The following FERMT1 variants were observed in gnomAD, a reference collection of about 807,000 sequenced individuals.
FERMT1 encodes fermitin family homolog 1.
In FERMT1, 60 loss-of-function variants were observed where a neutral mutation model predicts 85.3. The ratio of observed to expected loss-of-function variants is 0.70; its 90% CI spans 0.57 to 0.87. The LOEUF is 0.87. Among genes scored for constraint, FERMT1 ranks in the 40% least tolerant of loss-of-function variants. The pLI is 0.00. For missense variants in FERMT1, 701 were observed against 818.9 expected, an observed-to-expected ratio of 0.86 and a Z score of 1.76; for synonymous variants, 275 against 301.1, an observed-to-expected ratio of 0.91 and a Z score of 0.90.
At position 6,107,255 on chromosome 20, in the gene FERMT1, T is replaced by C. The variant is rs200928880; in HGVS notation, c.849+277A>G. On this transcript the variant is annotated intron_variant, in intron 6 of 14. Coordinates refer to ENST00000217289, the MANE Select transcript of FERMT1 (RefSeq NM_017671.5). ...GCTCTCTGAGCCACTCCCATCTTGT[T>C]TGACCATTCCTGCAAATGGAGGGGG... is the stretch of plus-strand genomic sequence containing the variant. Among the ~76,000 whole-genome samples, 7 of 151,498 alleles carry C rather than the reference T, an allele frequency of 4.6e-5. No homozygotes were observed. In the East Asian group the frequency reaches 1.4e-3, roughly 29 times the overall value.
intron 3 of FERMT1, among the ~76,000 whole-genome samples, chr20:6,115,144 T>C (rs1983062305): frequency 6.6e-6 from 1 of 152,212 alleles, no homozygotes; most frequent in Non-Finnish European, 1.5e-5. Context: ...ATTTTTGGTT[T>C]TGGAACCAAT....
At chr20:6,113,412 C>T (rs1452769013) in intron 3 of FERMT1, among the ~76,000 whole-genome samples, 1 of 152,156 alleles carries the variant, frequency 6.6e-6, no homozygotes, top group East Asian at 1.9e-4. Flanking sequence ...TTTAAACAAC[C>T]AACAAAGGTC....
chr20:6,115,518 A>G (rs577135627), intron 3 of FERMT1, among the ~76,000 whole-genome samples: 77 of 152,352 alleles, frequency 5.1e-4, no homozygotes, highest in African/African-American at 1.8e-3. Flanking sequence ...GTTTGAGTAT[A>G]GCTTGGATCA....
Position 6,075,792 on chromosome 20 carries a change from AC to A in FERMT1, c.*1380del, listed in dbSNP as rs1174318178. 1 of 152,366 alleles carries A rather than the reference AC, an allele frequency of 6.6e-6. No homozygotes were observed. The highest frequency in any genetic ancestry group is 2.4e-5 in the African/African-American group (1 of 41,450). The allele number at this position is 152,366 out of a possible 1,614,324, so 9.4% of individuals were successfully genotyped here. A position where few individuals can be genotyped will look rare whatever the true frequency, so the allele number is the denominator to read the frequency against. On this transcript the variant is annotated 3_prime_UTR_variant, in exon 15 of 15. Transcript: ENST00000217289. The stretch of plus-strand genomic sequence containing the variant: ...GGATTGGAGCTTTTGCCTTATCCTT[AC>A]ACCCCAAGTTCTTTGTGTGGCAGAA...
intron 6 of FERMT1, among the ~76,000 whole-genome samples, chr20:6,100,761 T>A (rs1484354894): frequency 1.3e-5 from 2 of 152,172 alleles, no homozygotes; most frequent in Non-Finnish European, 2.9e-5. Flanking sequence ...TAAGGCTGGC[T>A]TGACAACCTA....
chr20:6,110,584 T>C, intron 4 of FERMT1, 73 bp from the exon 5 acceptor site: 1 of 1,163,892 alleles, frequency 8.6e-7, no homozygotes, highest in Non-Finnish European at 1.3e-6. Context: ...ATATTAACAT[T>C]ACTTACACTA....
Position 6,089,237 on chromosome 20 carries a change from C to T in FERMT1, c.1140-148G>A, listed in dbSNP as rs189183428. The T allele has an allele frequency of 1.4e-4, 111 of 788,240 alleles. 1 individual carries two copies. The highest frequency in any genetic ancestry group is 6.5e-4 in the Middle Eastern group (2 of 3,070). 48.8% of individuals were successfully genotyped at this position (788,240 alleles called of 1,614,324 possible). On this transcript the variant is annotated intron_variant, in intron 9 of 14. Coordinates refer to ENST00000217289, the MANE Select transcript of FERMT1 (RefSeq NM_017671.5). ...TAATTTCAAATTGCTAATTTCCAAG[C>T]GCTGGAAATGAAATGCTGATATGTG...
intron 9 of FERMT1, among the ~76,000 whole-genome samples, chr20:6,091,472 T>C (rs1982363511): frequency 6.6e-6 from 1 of 152,046 alleles, no homozygotes; most frequent in Non-Finnish European, 1.5e-5. Context: ...GCTCAAGTGA[T>C]CCGCCCACCT....
chr20:6,108,530 C>A (rs957451991), intron 5 of FERMT1, among the ~76,000 whole-genome samples: 9 of 152,092 alleles, frequency 5.9e-5, no homozygotes, highest in Admixed American at 5.9e-4. Context: ...CAGGCCTCAG[C>A]AGGGTGCGGG....
intron 8 of FERMT1, among the ~76,000 whole-genome samples, chr20:6,095,365 TG>T (rs1294704035): frequency 3.3e-5 from 5 of 152,138 alleles, no homozygotes; most frequent in African/African-American, 9.7e-5. Context: ...AAAAACGAGA[TG>T]AAAAAAATGA....
chr20:6,079,300 A>T, intron 14 of FERMT1, 136 bp downstream of exon 14: 1 of 964,890 alleles, frequency 1.0e-6, no homozygotes, highest in Non-Finnish European at 1.7e-6. Flanking sequence ...TGATTTTAGC[A>T]GACAGACAGT....
chr20:6,084,020 C>G lies in FERMT1; in HGVS notation c.1718+20G>C. ...AAAATTGAATGGAAAGTGTGAGAAACAAGTGAACATTGTAATCACCTGACA... is the reference window on the plus strand; with the variant it reads ...AAAATTGAATGGAAAGTGTGAGAAAGAAGTGAACATTGTAATCACCTGACA... On this transcript the variant is annotated intron_variant, in intron 13 of 14. Transcript: ENST00000217289. The G allele has an allele frequency of 6.2e-7, 1 of 1,614,108 alleles. No homozygotes were observed. Among genetic ancestry groups the G allele is most frequent in the Non-Finnish European group, 8.5e-7 (1 of 1,179,994 alleles).
chr20:6,080,961 G>A (rs1981978519), intron 13 of FERMT1, among the ~76,000 whole-genome samples: 1 of 152,160 alleles, frequency 6.6e-6, no homozygotes, highest in Non-Finnish European at 1.5e-5. Context: ...ACCCAAGAAG[G>A]TGAGTAGAGA....
rs930678535 is a variant in FERMT1, at chr20:6,116,127, T to C, written c.152-83A>G. The C allele has an allele frequency of 4.2e-6, 4 of 953,788 alleles. No individual in the cohort carries two copies. The African/African-American group carries it at 4.9e-5, about 12-fold the overall frequency. 59.1% of individuals were successfully genotyped at this position (953,788 alleles called of 1,614,324 possible). On this transcript the variant is annotated intron_variant, in intron 2 of 14. Transcript: ENST00000217289. ...TGGAGCTGCAGAGTCAATTTCATTG[T>C]GTGCGAAAATGGAAACCAACAACTG...
At chr20:6,085,984 A>T (rs1201172486) in intron 11 of FERMT1, among the ~76,000 whole-genome samples, 4 of 151,976 alleles carry the variant, frequency 2.6e-5, no homozygotes, top group Non-Finnish European at 4.4e-5. Context: ...ACTAAAAAAT[A>T]CAAAAAAATT....
chr20:6,100,477 G>A (rs746202419), intron 6 of FERMT1, among the ~76,000 whole-genome samples: 16 of 152,200 alleles, frequency 1.1e-4, no homozygotes, highest in Admixed American at 2.0e-4. Context: ...ACCGCTAATG[G>A]GTATGGAGTT....
chr20:6,084,232 C>T, intron 12 of FERMT1, 68 bp from the exon 13 acceptor site: 1 of 1,537,138 alleles, frequency 6.5e-7, no homozygotes, highest in Non-Finnish European at 8.8e-7. Context: ...CTGTTAGCTC[C>T]AGATCCCCCA....
intron 6 of FERMT1, among the ~76,000 whole-genome samples, chr20:6,107,153 G>A (rs955102124): frequency 1.5e-4 from 22 of 145,898 alleles, no homozygotes; most frequent in Admixed American, 9.9e-4. Flanking sequence ...CCAAGATCGT[G>A]CCACTGCACT....
chr20:6,114,440 C>T (rs1160496008), intron 3 of FERMT1, among the ~76,000 whole-genome samples: 1 of 152,214 alleles, frequency 6.6e-6, no homozygotes, highest in Non-Finnish European at 1.5e-5. Context: ...AAGAGAACAT[C>T]TGACTGCTTC....
Sources: gnomAD v4.1 joint callset for allele counts (sites outside exome capture counted in the v4.1 genomes callset) on GRCh38, gnomAD v4.1.1 for gene constraint, MANE v1.5 for transcripts, NCBI Gene and HGNC (gene_info 2026-07-23, HGNC 2026-07-21) for gene names.